Variants in SMAP1 observed in about 807,000 individuals in gnomAD.
The protein encoded by SMAP1 is small ArfGAP 1.
SMAP1 carries 24 observed loss-of-function variants against 58.5 expected under a neutral mutation model. The observed-to-expected ratio is 0.41, with a 90% CI of 0.30 to 0.58. The LOEUF is 0.58. Ranked by LOEUF, SMAP1 falls within the 20% of genes least tolerant of loss-of-function variation. SMAP1 has a pLI of 0.29. For missense variants in SMAP1, 563 were observed against 566.3 expected (o/e 0.99, Z 0.06); for synonymous variants, 216 against 196.6 (o/e 1.10, Z -0.82).
chr6:70,838,590 G>A (rs1221908361), intron 7 of SMAP1, among the ~76,000 whole-genome samples: 1 of 152,192 alleles, frequency 6.6e-6, no homozygotes, highest in Non-Finnish European at 1.5e-5. Context: ...ATCTGGATCT[G>A]TAAGCAAGAG....
intron 1 of SMAP1, among the ~76,000 whole-genome samples, chr6:70,696,970 C>T (rs1767431107): frequency 1.3e-5 from 2 of 152,106 alleles, no homozygotes; most frequent in African/African-American, 4.8e-5. Flanking sequence ...GCTGAGTTGA[C>T]CCCTTTATCA....
At chr6:70,746,854 G>T (rs1471221568) in intron 2 of SMAP1, among the ~76,000 whole-genome samples, 1 of 152,086 alleles carries the variant, frequency 6.6e-6, no homozygotes, top group Non-Finnish European at 1.5e-5. Flanking sequence ...TTCAGAGGCT[G>T]ATTTAAGTCT....
intron 2 of SMAP1, among the ~76,000 whole-genome samples, chr6:70,743,628 T>A (rs1187021684): frequency 6.6e-6 from 1 of 152,206 alleles, no homozygotes; most frequent in Non-Finnish European, 1.5e-5. Flanking sequence ...AAAGCCTTTT[T>A]TCTTATTTTG....
intron 1 of SMAP1, among the ~76,000 whole-genome samples, chr6:70,720,869 G>A (rs541583930): frequency 1.8e-4 from 28 of 152,212 alleles, no homozygotes; most frequent in Middle Eastern, 3.4e-3. Flanking sequence ...CTGGGCCTCC[G>A]CACCTGTGAT....
Position 70,773,354 on chromosome 6 carries a change from G to A in SMAP1, c.343G>A (p.Val115Met). 1 of 1,563,940 alleles carries A rather than the reference G, an allele frequency of 6.4e-7. No homozygotes were observed. Among genetic ancestry groups the A allele is most frequent in the Non-Finnish European group, 8.8e-7 (1 of 1,141,860 alleles). Reference sequence around the variant, plus strand: ...CCTTAAGTTATCTGTTTTCAGAGCAGTGGAATTTTTCATCAGAGATAAATA... The same window carrying A: ...CCTTAAGTTATCTGTTTTCAGAGCAATGGAATTTTTCATCAGAGATAAATA... ...NFRRPQTDQA[V>M]EFFIRDKYEK... is the part of the protein sequence containing the mutation. Residue 115 changes from valine to methionine, a missense_variant, in exon 4 of 11, where the codon GTG becomes ATG. Coordinates refer to ENST00000370455, the MANE Select transcript of SMAP1 (RefSeq NM_001044305.3).
At chr6:70,721,734 G>A (rs778556188) in intron 1 of SMAP1, among the ~76,000 whole-genome samples, 9 of 152,122 alleles carry the variant, frequency 5.9e-5, no homozygotes, top group African/African-American at 1.4e-4. Context: ...TCAGAATCAC[G>A]GAATCATGGT....
chr6:70,730,010 T>G (rs1765360802), intron 1 of SMAP1, among the ~76,000 whole-genome samples: 1 of 152,140 alleles, frequency 6.6e-6, no homozygotes, highest in Non-Finnish European at 1.5e-5. Flanking sequence ...CACATTAGGG[T>G]TTGAGAGACA....
intron 6 of SMAP1, among the ~76,000 whole-genome samples, chr6:70,815,127 A>G (rs1769563127): frequency 6.6e-6 from 1 of 152,180 alleles, no homozygotes; most frequent in African/African-American, 2.4e-5. Context: ...CGTAAGTGGT[A>G]CTATGCTGAT....
At chr6:70,708,638 C>G (rs888205516) in intron 1 of SMAP1, among the ~76,000 whole-genome samples, 5 of 152,022 alleles carry the variant, frequency 3.3e-5, no homozygotes, top group Non-Finnish European at 7.4e-5. Context: ...TATCTCTTGT[C>G]TTCTTGATAA....
chr6:70,852,007 T>A (rs1210393203), intron 7 of SMAP1, among the ~76,000 whole-genome samples: 1 of 152,176 alleles, frequency 6.6e-6, no homozygotes, highest in Non-Finnish European at 1.5e-5. Context: ...ATGTTTTAGA[T>A]CATCAAAACT....
chr6:70,849,460 C>G (rs929452943), intron 7 of SMAP1, among the ~76,000 whole-genome samples: 4 of 152,206 alleles, frequency 2.6e-5, no homozygotes, highest in Middle Eastern at 3.4e-3. Flanking sequence ...AGAATATGGA[C>G]TTGTTTATAG....
chr6:70,724,544 CTTGCCT>C (rs1390706623), intron 1 of SMAP1, among the ~76,000 whole-genome samples: 3 of 152,186 alleles, frequency 2.0e-5, no homozygotes, highest in African/African-American at 7.2e-5. Flanking sequence ...ATCACAATCA[CTTGCCT>C]TCCATTAATG....
chr6:70,846,574 G>C (rs1770998792), intron 7 of SMAP1, among the ~76,000 whole-genome samples: 2 of 152,194 alleles, frequency 1.3e-5, no homozygotes, highest in Non-Finnish European at 2.9e-5. Flanking sequence ...TTTGGAGGTG[G>C]AGTTGGTAGG....
intron 1 of SMAP1, among the ~76,000 whole-genome samples, chr6:70,672,555 C>T (rs1217786338): frequency 6.6e-6 from 1 of 152,106 alleles, no homozygotes; most frequent in Admixed American, 6.6e-5. Context: ...TTATGGGGTA[C>T]ACTGTATCCC....
At chr6:70,758,200 A>G (rs1313402189) in intron 3 of SMAP1, among the ~76,000 whole-genome samples, 1 of 151,700 alleles carries the variant, frequency 6.6e-6, no homozygotes, top group East Asian at 1.9e-4. Flanking sequence ...ATAAAAAATG[A>G]TGCGTTCATG....
intron 1 of SMAP1, among the ~76,000 whole-genome samples, chr6:70,687,129 CT>C (rs1250739942): frequency 6.6e-6 from 1 of 152,146 alleles, no homozygotes; most frequent in African/African-American, 2.4e-5. Flanking sequence ...TTAATAGCCA[CT>C]GTGGCTAGGA....
chr6:70,833,302 A>G (rs752812542), intron 6 of SMAP1, among the ~76,000 whole-genome samples: 5 of 152,318 alleles, frequency 3.3e-5, no homozygotes, highest in Non-Finnish European at 7.4e-5. Flanking sequence ...ACTAATATAT[A>G]TGAAGAAGTA....
intron 4 of SMAP1, among the ~76,000 whole-genome samples, chr6:70,782,124 A>G (rs191972673): frequency 1.1e-3 from 167 of 152,344 alleles, no homozygotes; most frequent in African/African-American, 3.7e-3. Flanking sequence ...AATTTCCAGC[A>G]AAATTTTCTA....
At chr6:70,771,601 G>A (rs143687548) in intron 3 of SMAP1, among the ~76,000 whole-genome samples, 3,569 of 152,274 alleles carry the variant, frequency 0.023, 52 homozygotes, top group Non-Finnish European at 0.037. Context: ...TAAGCCCGTC[G>A]GAAAAGCGCG....
Sources: allele counts gnomAD v4.1 joint callset (sites outside exome capture counted in the v4.1 genomes callset), GRCh38; gene constraint gnomAD v4.1.1; transcripts MANE v1.5; gene names NCBI Gene and HGNC (gene_info 2026-07-23, HGNC 2026-07-21).